The following RSL1D1 variants were observed in gnomAD, a reference collection of about 807,000 sequenced individuals.
RSL1D1 encodes the protein ribosomal L1 domain containing 1, also known as ribosomal L1 domain-containing protein 1.
RSL1D1 carries 34 observed loss-of-function variants against 44.6 expected under a neutral mutation model. That is an observed-to-expected ratio of 0.76 (90% confidence interval 0.58 to 1.02). The LOEUF is 1.02. RSL1D1 is among the 50% of genes least tolerant of loss of function. The pLI is 0.00. For synonymous variants in RSL1D1, 271 were observed against 207.4 expected, an observed-to-expected ratio of 1.31 and a Z score of -2.63; for missense variants, 767 against 568.1, an observed-to-expected ratio of 1.35 and a Z score of -3.56.
In RSL1D1 at chr16:11,851,502, G is replaced by A. The variant is rs1002488843; in HGVS notation, c.11C>T (p.Ser4Leu). 1.2e-6 allele frequency: 2 copies of A among 1,613,680 alleles called. No homozygotes were observed. Among genetic ancestry groups the A allele is most frequent in the South Asian group, 2.2e-5 (2 of 91,054 alleles). MED[S>L]ASASLSSAAA... ...TGCAGAAGACAGCGAGGCCGAGGCC[G>A]AATCCTCCATCTTGTTTCCACCTCG... The change falls in exon 1 of 9, where the codon TCG becomes TTG. Residue 4 changes from serine to leucine, a missense_variant. Physicochemically the swap from Ser to Leu is moderately radical, Grantham distance 145. Transcript: ENST00000571133.
intron 2 of RSL1D1, 143 bp from the exon 3 acceptor site, chr16:11,847,949 A>G (rs2053811223): frequency 1.2e-6 from 1 of 829,032 alleles, no homozygotes; most frequent in Non-Finnish European, 1.9e-6. Flanking sequence ...ACCAAGAACA[A>G]CACTTAAAAA....
rs144898944 is a variant in RSL1D1, at chr16:11,836,751, A to C, written c.*1036T>G. On this transcript the variant is annotated 3_prime_UTR_variant, in exon 9 of 9. Transcript: ENST00000571133. Reference sequence around the variant, plus strand: ...CAGTGACTCATAAGCTTAGACCAACAAGCTCAGCATGAAAGCCAAGAAACT... The same window carrying C: ...CAGTGACTCATAAGCTTAGACCAACCAGCTCAGCATGAAAGCCAAGAAACT... 6.6e-6 allele frequency: 1 copy of C among 152,286 alleles called. No individual in the cohort carries two copies. The highest frequency in any genetic ancestry group is 2.4e-5 in the African/African-American group (1 of 41,570). The allele number at this position is 152,286 out of a possible 1,614,324, so 9.4% of individuals were successfully genotyped here.
chr16:11,837,883 C>T lies in RSL1D1; in HGVS notation c.1377G>A (p.Glu459=), dbSNP rs2053733191. ...TACTAGGAGTGGTGAAAAACTTGGCCTCTGGCTTTTTTGGAGTCTGTCTCG... is the reference window on the plus strand; with the variant it reads ...TACTAGGAGTGGTGAAAAACTTGGCTTCTGGCTTTTTTGGAGTCTGTCTCG... ...KDARQTPKKP[E]AKFFTTPSKS... is the part of the protein sequence containing the mutation. The change falls in exon 9 of 9, where the codon GAG becomes GAA. Residue 459 remains glutamate (E), a synonymous_variant. Coordinates refer to ENST00000571133, the MANE Select transcript of RSL1D1 (RefSeq NM_015659.3). 1.9e-6 allele frequency: 3 copies of T among 1,613,860 alleles called. No homozygotes were observed. Among genetic ancestry groups the T allele is most frequent in the Admixed American group, 1.7e-5 (1 of 59,944 alleles).
At chr16:11,843,178 G>A (rs1285907836) in intron 5 of RSL1D1, among the ~76,000 whole-genome samples, 1 of 149,764 alleles carries the variant, frequency 6.7e-6, no homozygotes. Flanking sequence ...CAGGTGATCC[G>A]CCTGCCTCGG....
rs2053829242 is a variant in RSL1D1, at chr16:11,850,436, G to A, written c.106-18C>T. The A allele has an allele frequency of 6.3e-7, 1 of 1,584,166 alleles. No individual in the cohort carries two copies. The highest frequency in any genetic ancestry group is 8.5e-7 in the Non-Finnish European group (1 of 1,171,880). ...TTTCTAACCTGCAAAGTGGAAATTA[G>A]ACAAATAAGTGAAATGTTTTCACAA... On this transcript the variant is annotated intron_variant, in intron 1 of 8. Transcript: ENST00000571133.
intron 7 of RSL1D1, 133 bp downstream of exon 7, chr16:11,841,562 T>C: frequency 1.3e-6 from 1 of 788,802 alleles, no homozygotes; most frequent in South Asian, 1.9e-5. Flanking sequence ...TCATGTAAAG[T>C]GACAAAAGCA....
At chr16:11,842,504 C>T (rs868140222) in intron 5 of RSL1D1, among the ~76,000 whole-genome samples, 1 of 151,870 alleles carries the variant, frequency 6.6e-6, no homozygotes, top group Non-Finnish European at 1.5e-5. Context: ...TCCGGAGTAG[C>T]TGGGACTACA....
intron 1 of RSL1D1, 156 bp downstream of exon 1, chr16:11,851,252 T>G: frequency 2.8e-6 from 2 of 721,836 alleles, no homozygotes; most frequent in Non-Finnish European, 4.9e-6. Context: ...CACCCACGTG[T>G]GTAAAGGGGA....
At chr16:11,845,325 T>C (rs2053790195) in intron 5 of RSL1D1, among the ~76,000 whole-genome samples, 1 of 152,140 alleles carries the variant, frequency 6.6e-6, no homozygotes, top group African/African-American at 2.4e-5. Flanking sequence ...TGGTGATGTG[T>C]GTCTGTAGTC....
At chr16:11,840,016 C>T (rs2053753907) in intron 7 of RSL1D1, 31 bp from the exon 8 acceptor site, 1 of 1,604,152 alleles carries the variant, frequency 6.2e-7, no homozygotes, top group Non-Finnish European at 8.5e-7. Flanking sequence ...AACATTTTAG[C>T]AGGAACAGTT....
intron 1 of RSL1D1, 143 bp downstream of exon 1, chr16:11,851,265 G>C (rs570795148): frequency 1.3e-6 from 1 of 771,592 alleles, no homozygotes; most frequent in South Asian, 1.5e-5. Context: ...AAAGGGGAGA[G>C]ACAGCTGAGG....
At chr16:11,844,604 T>A (rs2053785516) in intron 5 of RSL1D1, among the ~76,000 whole-genome samples, 1 of 152,198 alleles carries the variant, frequency 6.6e-6, no homozygotes, top group Non-Finnish European at 1.5e-5. Flanking sequence ...TGCCCACCAG[T>A]ACCCTGCTCT....
chr16:11,850,423 A>C lies in RSL1D1; in HGVS notation c.106-5T>G. ...AGCGTCCACTGCCTTTCTAACCTGCAAAGTGGAAATTAGACAAATAAGTGA... is the reference window on the plus strand; with the variant it reads ...AGCGTCCACTGCCTTTCTAACCTGCCAAGTGGAAATTAGACAAATAAGTGA... On this transcript the variant is annotated splice_region_variant and splice_polypyrimidine_tract_variant and intron_variant, in intron 1 of 8. Transcript: ENST00000571133. 1 of 1,591,002 alleles carries C rather than the reference A, an allele frequency of 6.3e-7. No homozygotes were observed. Among genetic ancestry groups the C allele is most frequent in the Non-Finnish European group, 8.5e-7 (1 of 1,174,388 alleles).
intron 5 of RSL1D1, among the ~76,000 whole-genome samples, chr16:11,844,125 C>A (rs2141252967): frequency 6.6e-6 from 1 of 152,254 alleles, no homozygotes; most frequent in Middle Eastern, 3.4e-3. Flanking sequence ...AGACTGGGCA[C>A]TGCCCACTCC....
chr16:11,843,096 T>A (rs1013219325), intron 5 of RSL1D1, among the ~76,000 whole-genome samples: 2 of 144,010 alleles, frequency 1.4e-5, no homozygotes, highest in African/African-American at 5.4e-5. Flanking sequence ...TAATTTTTTG[T>A]ATTTTTTTTT....
At position 11,850,375 on chromosome 16, in the gene RSL1D1, C is replaced by A. The variant is rs1313237482; in HGVS notation, c.149G>T (p.Arg50Met). The change falls in exon 2 of 9, where the codon AGG becomes ATG. Residue 50 changes from arginine (R) to methionine (M), a missense_variant. By Grantham distance (91) the Arg-to-Met change is moderately conservative. Coordinates refer to ENST00000571133, the MANE Select transcript of RSL1D1 (RefSeq NM_015659.3). ...CAAAAGCAACCCATAATTGTTTTTCCTGGACTTGCAATGCGTCAAGAGAGC... is the reference window on the plus strand; with the variant it reads ...CAAAAGCAACCCATAATTGTTTTTCATGGACTTGCAATGCGTCAAGAGAGC... Reference protein sequence around the residue: ...VDALLTHCKSRKNNYGLLLNE... With the variant: ...VDALLTHCKSMKNNYGLLLNE... 2 of 1,600,378 alleles carry A rather than the reference C, an allele frequency of 1.2e-6. No homozygotes were observed. Among genetic ancestry groups the A allele is most frequent in the Non-Finnish European group, 8.5e-7 (1 of 1,176,730 alleles).
At position 11,846,677 on chromosome 16, in the gene RSL1D1, C is replaced by G; in HGVS notation, c.533+18G>C. 6.2e-7 allele frequency: 1 copy of G among 1,613,520 alleles called. No homozygotes were observed. Among genetic ancestry groups the G allele is most frequent in the Non-Finnish European group, 8.5e-7 (1 of 1,179,714 alleles). On this transcript the variant is annotated intron_variant, in intron 4 of 8. Transcript: ENST00000571133. Reference sequence around the variant, plus strand: ...AAGCTTCATGCTGCTAAAGTCCAGTCATTACTAAGAAACTTACTTCTTTCT... The same window carrying G: ...AAGCTTCATGCTGCTAAAGTCCAGTGATTACTAAGAAACTTACTTCTTTCT...
chr16:11,838,166 T>A (rs535391753), intron 8 of RSL1D1, 53 bp from the exon 9 acceptor site: 5 of 1,350,798 alleles, frequency 3.7e-6, no homozygotes, highest in Middle Eastern at 2.1e-4. Flanking sequence ...AACCTGACAC[T>A]CTAACTCCAG....
At chr16:11,842,957 C>T (rs954024624) in intron 5 of RSL1D1, among the ~76,000 whole-genome samples, 1 of 141,936 alleles carries the variant, frequency 7.0e-6, no homozygotes. Flanking sequence ...CAGTTTCACT[C>T]GTTGCCCAGG....
Sources: allele counts gnomAD v4.1 joint callset (sites outside exome capture counted in the v4.1 genomes callset), GRCh38; gene constraint gnomAD v4.1.1; transcripts MANE v1.5; gene names NCBI Gene and HGNC (gene_info 2026-07-23, HGNC 2026-07-21).